SPOCK3: variants seen among roughly 807,000 people sequenced by gnomAD.
SPOCK3 encodes the protein SPARC (osteonectin), cwcv and kazal like domains proteoglycan 3.
In SPOCK3, 30 loss-of-function variants were observed where a neutral mutation model predicts 56.6. The ratio of observed to expected loss-of-function variants is 0.53; its 90% CI spans 0.40 to 0.72. The LOEUF (loss-of-function observed/expected upper bound fraction) is 0.72. Among genes scored for constraint, SPOCK3 ranks in the 30% least tolerant of loss-of-function variants. The pLI, the probability that SPOCK3 is intolerant of heterozygous loss-of-function variation, is 0.00. For missense variants in SPOCK3, 527 were observed against 530.0 expected, an observed-to-expected ratio of 0.99 and a Z score of 0.06; for synonymous variants, 196 against 183.3, an observed-to-expected ratio of 1.07 and a Z score of -0.56.
chr4:167,063,347 T>G (rs918038132), intron 2 of SPOCK3, among the ~76,000 whole-genome samples: 1 of 151,824 alleles, frequency 6.6e-6, no homozygotes, highest in South Asian at 2.1e-4. Context: ...TATTTTATTA[T>G]AAATTAAAAA....
chr4:167,233,595 C>A (rs1179808006), intron 2 of SPOCK3, among the ~76,000 whole-genome samples: 1 of 152,100 alleles, frequency 6.6e-6, no homozygotes, highest in Non-Finnish European at 1.5e-5. Context: ...GTGACAGGAT[C>A]GATCCTAGTT....
chr4:166,783,896 A>C (rs1267046678), intron 7 of SPOCK3, among the ~76,000 whole-genome samples: 3 of 152,144 alleles, frequency 2.0e-5, no homozygotes, highest in Non-Finnish European at 2.9e-5. Flanking sequence ...AATTGACTAA[A>C]TATATGTGGT....
At chr4:167,128,548 A>G (rs1762467821) in intron 2 of SPOCK3, among the ~76,000 whole-genome samples, 1 of 152,158 alleles carries the variant, frequency 6.6e-6, no homozygotes, top group South Asian at 2.1e-4. Flanking sequence ...TGGCCCAGAG[A>G]AGACAAACAG....
intron 7 of SPOCK3, among the ~76,000 whole-genome samples, chr4:166,762,735 C>G (rs1002480817): frequency 6.6e-6 from 1 of 151,932 alleles, no homozygotes; most frequent in Non-Finnish European, 1.5e-5. Flanking sequence ...AGAGATGAAA[C>G]ATACAATAAA....
intron 4 of SPOCK3, among the ~76,000 whole-genome samples, chr4:166,994,080 C>T (rs1226796866): frequency 1.3e-5 from 2 of 152,056 alleles, no homozygotes; most frequent in South Asian, 4.1e-4. Flanking sequence ...GCTGAAAAGC[C>T]TTCTCAGAAA....
At chr4:166,832,471 T>C (rs1022466933) in intron 6 of SPOCK3, among the ~76,000 whole-genome samples, 1 of 152,080 alleles carries the variant, frequency 6.6e-6, no homozygotes, top group Non-Finnish European at 1.5e-5. Flanking sequence ...GGTGGGAATA[T>C]AAATTAGTTC....
intron 2 of SPOCK3, among the ~76,000 whole-genome samples, chr4:167,160,271 T>G (rs1047433792): frequency 9.9e-5 from 15 of 152,128 alleles, no homozygotes; most frequent in African/African-American, 3.6e-4. Flanking sequence ...AGCCAAACCA[T>G]GAGTGAACTC....
At chr4:167,136,133 T>C (rs1438235223) in intron 2 of SPOCK3, among the ~76,000 whole-genome samples, 4 of 152,074 alleles carry the variant, frequency 2.6e-5, no homozygotes, top group African/African-American at 9.7e-5. Flanking sequence ...TGCAAATCTC[T>C]AGCCCCACCC....
At chr4:166,952,213 C>G (rs1329138559) in intron 4 of SPOCK3, among the ~76,000 whole-genome samples, 2 of 152,142 alleles carry the variant, frequency 1.3e-5, no homozygotes, top group African/African-American at 4.8e-5. Flanking sequence ...TCTCCTTAAG[C>G]TGATAAGCAA....
At chr4:167,093,371 C>T (rs1363481749) in intron 2 of SPOCK3, among the ~76,000 whole-genome samples, 1 of 152,048 alleles carries the variant, frequency 6.6e-6, no homozygotes, top group African/African-American at 2.4e-5. Flanking sequence ...TATACATGTG[C>T]CATGGTGGCT....
intron 4 of SPOCK3, among the ~76,000 whole-genome samples, chr4:166,955,075 A>G (rs1237531590): frequency 6.6e-5 from 10 of 152,148 alleles, no homozygotes; most frequent in Non-Finnish European, 1.3e-4. Flanking sequence ...TTTTGAATCC[A>G]GGAAACTATT....
intron 6 of SPOCK3, among the ~76,000 whole-genome samples, chr4:166,814,298 T>A (rs1744164081): frequency 6.6e-6 from 1 of 152,046 alleles, no homozygotes; most frequent in Admixed American, 6.6e-5. Flanking sequence ...ATGATTAATG[T>A]TAGGTGTCAA....
intron 6 of SPOCK3, among the ~76,000 whole-genome samples, chr4:166,847,784 T>G (rs1748261117): frequency 6.6e-6 from 1 of 150,738 alleles, no homozygotes; most frequent in South Asian, 2.1e-4. Flanking sequence ...TTAAAAAGAC[T>G]GATTAGGCAG....
chr4:167,042,156 C>A (rs1753284205), intron 3 of SPOCK3, among the ~76,000 whole-genome samples: 1 of 152,082 alleles, frequency 6.6e-6, no homozygotes, highest in Non-Finnish European at 1.5e-5. Context: ...AGAATTGATT[C>A]CAGGATCTCC....
At chr4:166,751,535 C>T (rs761900051) in intron 8 of SPOCK3, among the ~76,000 whole-genome samples, 3 of 152,040 alleles carry the variant, frequency 2.0e-5, no homozygotes, top group Non-Finnish European at 4.4e-5. Flanking sequence ...CCAGTTTATT[C>T]ATGTACTCAT....
chr4:166,951,472 G>T (rs368600895), intron 4 of SPOCK3, among the ~76,000 whole-genome samples: 1 of 142,490 alleles, frequency 7.0e-6, no homozygotes, highest in South Asian at 2.2e-4. Flanking sequence ...TCCAGGATCA[G>T]ATGGATTCAC....
chr4:167,210,841 C>A (rs77314017), intron 2 of SPOCK3, among the ~76,000 whole-genome samples: 2,019 of 152,138 alleles, frequency 0.013, 54 homozygotes, highest in African/African-American at 0.044. Context: ...GTATCTCTCT[C>A]TATATATATG....
At chr4:166,767,833 T>A (rs182915894) in intron 7 of SPOCK3, among the ~76,000 whole-genome samples, 20 of 152,184 alleles carry the variant, frequency 1.3e-4, no homozygotes, top group Admixed American at 5.2e-4. Context: ...TAAGTCTCTT[T>A]GTAGATCTCT....
intron 7 of SPOCK3, among the ~76,000 whole-genome samples, chr4:166,765,481 A>T (rs1385622263): frequency 6.6e-6 from 1 of 152,196 alleles, no homozygotes; most frequent in Non-Finnish European, 1.5e-5. Context: ...AGGTTTGTCA[A>T]AGATCAGATG....
Sources: allele counts gnomAD v4.1 joint callset (sites outside exome capture counted in the v4.1 genomes callset), GRCh38; gene constraint gnomAD v4.1.1; transcripts MANE v1.5; gene names NCBI Gene and HGNC (gene_info 2026-07-23, HGNC 2026-07-21).